The following CPQ variants were observed in gnomAD, a reference collection of about 807,000 sequenced individuals.
CPQ encodes Ser-Met dipeptidase.
Under a neutral mutation model 45.7 loss-of-function variants are expected in CPQ, and 37 were observed. That is an observed-to-expected ratio of 0.81 (90% CI 0.62 to 1.07). The LOEUF (loss-of-function observed/expected upper bound fraction) is 1.07. CPQ is among the 50% of genes least tolerant of loss of function. The pLI is 0.00. For missense variants in CPQ, 537 were observed against 572.9 expected, an observed-to-expected ratio of 0.94 and a Z score of 0.64; for synonymous variants, 186 against 205.8, an observed-to-expected ratio of 0.90 and a Z score of 0.82.
At chr8:96,754,231 CA>C (rs1269408173) in intron 1 of CPQ, among the ~76,000 whole-genome samples, 1 of 152,000 alleles carries the variant, frequency 6.6e-6, no homozygotes, top group Non-Finnish European at 1.5e-5. Context: ...GTTCCGTGGT[CA>C]AATACACTTG....
intron 1 of CPQ, among the ~76,000 whole-genome samples, chr8:96,760,394 A>G (rs1810384207): frequency 6.6e-6 from 1 of 152,178 alleles, no homozygotes; most frequent in African/African-American, 2.4e-5. Context: ...AAACGTATGC[A>G]AGATTGTAAG....
Position 96,953,622 on chromosome 8 carries a change from C to A in CPQ, c.850-12313C>A, listed in dbSNP as rs199674084. ...TTTCCTCAGGTGTCCTGGACGGAAA[C>A]AAAAGGGAGTAAAAAAGTGTTGGAT... On this transcript the variant is annotated intron_variant, in intron 4 of 7. Coordinates refer to ENST00000220763, the MANE Select transcript of CPQ (RefSeq NM_016134.4). 4.9e-4 allele frequency among the ~76,000 whole-genome samples: 75 copies of A among 152,178 alleles called. No homozygotes were observed. In the East Asian group the frequency reaches 9.5e-3, roughly 19 times the overall value.
At chr8:96,983,734 A>G (rs1026825173) in intron 5 of CPQ, among the ~76,000 whole-genome samples, 4 of 152,014 alleles carry the variant, frequency 2.6e-5, no homozygotes, top group Non-Finnish European at 5.9e-5. Context: ...TATACAGTTT[A>G]GCCAAAAGAC....
intron 2 of CPQ, among the ~76,000 whole-genome samples, chr8:96,804,613 A>G (rs949761367): frequency 1.3e-5 from 2 of 152,012 alleles, no homozygotes. Flanking sequence ...ACAACAGTTC[A>G]TACTCTTTTG....
chr8:96,777,015 A>C (rs1810614028), intron 1 of CPQ, among the ~76,000 whole-genome samples: 1 of 152,218 alleles, frequency 6.6e-6, no homozygotes, highest in Non-Finnish European at 1.5e-5. Flanking sequence ...GTGTAGTTTA[A>C]GTTTAGACAT....
chr8:96,681,504 G>T (rs1286006158), intron 1 of CPQ, among the ~76,000 whole-genome samples: 1 of 152,214 alleles, frequency 6.6e-6, no homozygotes, highest in African/African-American at 2.4e-5. Context: ...GATTTCAGAG[G>T]ATGTATAGAA....
intron 2 of CPQ, among the ~76,000 whole-genome samples, chr8:96,807,317 T>C (rs1297091162): frequency 6.6e-6 from 1 of 152,148 alleles, no homozygotes; most frequent in African/African-American, 2.4e-5. Context: ...CACTGCAAGC[T>C]CTGCCTCCCA....
At chr8:96,746,351 C>A (rs1296991396) in intron 1 of CPQ, among the ~76,000 whole-genome samples, 2 of 152,118 alleles carry the variant, frequency 1.3e-5, no homozygotes, top group Non-Finnish European at 2.9e-5. Context: ...TATTATTTTA[C>A]AGATGGTATT....
At chr8:96,939,069 G>T (rs1456031506) in intron 4 of CPQ, among the ~76,000 whole-genome samples, 1 of 152,088 alleles carries the variant, frequency 6.6e-6, no homozygotes, top group Admixed American at 6.6e-5. Flanking sequence ...GTAATAGTTG[G>T]TATATACAAC....
intron 1 of CPQ, among the ~76,000 whole-genome samples, chr8:96,686,079 A>T (rs1809223305): frequency 3.9e-5 from 6 of 152,128 alleles, no homozygotes; most frequent in Admixed American, 3.9e-4. Context: ...ACTTAACTGA[A>T]TTCTGTCATT....
chr8:96,935,019 A>G (rs1586457891), intron 4 of CPQ, among the ~76,000 whole-genome samples: 3 of 152,194 alleles, frequency 2.0e-5, no homozygotes, highest in African/African-American at 4.8e-5. Flanking sequence ...TTAAACGTCA[A>G]ACACCTAGAG....
intron 1 of CPQ, among the ~76,000 whole-genome samples, chr8:96,727,308 C>G (rs765744992): frequency 1.3e-5 from 2 of 152,130 alleles, no homozygotes; most frequent in Non-Finnish European, 2.9e-5. Context: ...GTTCCCATTT[C>G]GTTTTCACTG....
chr8:96,707,049 A>G (rs1809539459), intron 1 of CPQ, among the ~76,000 whole-genome samples: 1 of 151,982 alleles, frequency 6.6e-6, no homozygotes, highest in African/African-American at 2.4e-5. Context: ...CATTTTATTT[A>G]TTTTCTCCTG....
intron 1 of CPQ, among the ~76,000 whole-genome samples, chr8:96,656,330 G>A (rs950122887): frequency 6.6e-6 from 1 of 152,168 alleles, no homozygotes; most frequent in Non-Finnish European, 1.5e-5. Flanking sequence ...TGCTGGCTCG[G>A]CTCCCATGCT....
intron 5 of CPQ, among the ~76,000 whole-genome samples, chr8:96,970,121 A>G (rs1015774594): frequency 1.2e-4 from 19 of 152,228 alleles, no homozygotes; most frequent in African/African-American, 3.9e-4. Context: ...GGCTCTGGTC[A>G]AGACTGTCTT....
chr8:97,094,297 G>GA (rs964898783), intron 7 of CPQ, among the ~76,000 whole-genome samples: 1 of 152,134 alleles, frequency 6.6e-6, no homozygotes, highest in African/African-American at 2.4e-5. Flanking sequence ...ACAGCTTTGG[G>GA]AAAATCTCAA....
At chr8:96,943,809 C>T (rs1426997404) in intron 4 of CPQ, among the ~76,000 whole-genome samples, 1 of 152,090 alleles carries the variant, frequency 6.6e-6, no homozygotes, top group African/African-American at 2.4e-5. Context: ...GCTTCTAATG[C>T]ATATTGGGGT....
intron 2 of CPQ, among the ~76,000 whole-genome samples, chr8:96,828,527 T>C (rs995028543): frequency 3.3e-5 from 5 of 151,910 alleles, no homozygotes; most frequent in African/African-American, 1.2e-4. Context: ...AACTAGCCCA[T>C]TTTAGTCTAC....
intron 1 of CPQ, among the ~76,000 whole-genome samples, chr8:96,697,235 G>T (rs1160374453): frequency 6.6e-6 from 1 of 152,168 alleles, no homozygotes; most frequent in Admixed American, 6.5e-5. Context: ...ACCAATTCAT[G>T]TGATACATCA....
Sources: allele counts gnomAD v4.1 joint callset (sites outside exome capture counted in the v4.1 genomes callset), GRCh38; gene constraint gnomAD v4.1.1; transcripts MANE v1.5; gene names NCBI Gene and HGNC (gene_info 2026-07-23, HGNC 2026-07-21).